The following NDUFAF2 variants were observed in gnomAD, a reference collection of about 807,000 sequenced individuals.
NDUFAF2 encodes the protein NADH:ubiquinone oxidoreductase complex assembly factor 2.
NDUFAF2 carries 13 observed loss-of-function variants against 22.8 expected under a neutral mutation model. The observed-to-expected ratio is 0.57, with a 90% CI of 0.37 to 0.91. The LOEUF (loss-of-function observed/expected upper bound fraction) is 0.91, where lower values mean the gene tolerates loss of function less well. Ranked by LOEUF, NDUFAF2 falls within the 40% of genes least tolerant of loss-of-function variation. NDUFAF2 has a pLI of 0.01. For missense variants in NDUFAF2, 162 were observed against 195.2 expected, an observed-to-expected ratio of 0.83 and a Z score of 1.01; for synonymous variants, 53 against 64.2, an observed-to-expected ratio of 0.83 and a Z score of 0.84.
At chr5:61,067,569 TTTGGG>T (rs550412524) in intron 1 of NDUFAF2, among the ~76,000 whole-genome samples, 16 of 152,178 alleles carry the variant, frequency 1.1e-4, no homozygotes, top group Non-Finnish European at 2.2e-4. Flanking sequence ...TTGATGGATA[TTTGGG>T]TTGGTTCCAA....
chr5:61,106,680 A>AC lies in NDUFAF2; in HGVS notation c.258+7655dup, dbSNP rs202011706. 3.4e-3 allele frequency among the ~76,000 whole-genome samples: 500 copies of AC among 146,952 alleles called. 11 individuals are homozygous for AC. The highest frequency in any genetic ancestry group is 0.022 in the East Asian group (110 of 4,994). On this transcript the variant is annotated intron_variant, in intron 3 of 3. Coordinates refer to ENST00000296597, the MANE Select transcript of NDUFAF2 (RefSeq NM_174889.5). The stretch of plus-strand genomic sequence containing the variant: ...ATTTTTGTGCCCATTAACCATTCCC[A>AC]CCCCCCCTAACACCCAGACTACCCT...
At chr5:61,066,342 A>T (rs559644924) in intron 1 of NDUFAF2, among the ~76,000 whole-genome samples, 39 of 152,190 alleles carry the variant, frequency 2.6e-4, no homozygotes, top group African/African-American at 8.9e-4. Context: ...TTCTATACAG[A>T]TATAGGAAAA....
intron 1 of NDUFAF2, among the ~76,000 whole-genome samples, chr5:61,038,608 TTC>T (rs1271028674): frequency 6.6e-6 from 1 of 152,244 alleles, no homozygotes; most frequent in Non-Finnish European, 1.5e-5. Flanking sequence ...TATAGTATTT[TTC>T]TCTCTTACCT....
chr5:61,056,919 A>AAAAAATATATATAT (rs1752105032), intron 1 of NDUFAF2, among the ~76,000 whole-genome samples: 2 of 28,810 alleles, frequency 6.9e-5, no homozygotes, highest in Non-Finnish European at 1.2e-4. Context: ...AAAAAAAAAA[A>AAAAAATATATATAT]ATATATATAT....
chr5:61,007,824 G>A (rs1453048626), intron 1 of NDUFAF2, among the ~76,000 whole-genome samples: 4 of 152,002 alleles, frequency 2.6e-5, no homozygotes, highest in Admixed American at 1.3e-4. Context: ...AGGACTATAA[G>A]TCATGCTGCT....
At position 61,027,043 on chromosome 5, in the gene NDUFAF2, T is replaced by C. The variant is rs1751659139; in HGVS notation, c.128-46082T>C. ...CAACTATATGTAAAAATATTATCCT[T>C]ATTAAGAAAAATTATATTTAATTTA... On this transcript the variant is annotated intron_variant, in intron 1 of 3. Coordinates refer to ENST00000296597, the MANE Select transcript of NDUFAF2 (RefSeq NM_174889.5). Among the ~76,000 whole-genome samples the C allele has an allele frequency of 2.6e-5, 4 of 151,618 alleles. No homozygotes were observed. In the South Asian group the frequency reaches 8.3e-4, roughly 31 times the overall value.
chr5:61,040,260 A>ACACACG lies in NDUFAF2; in HGVS notation c.128-32860_128-32859insGCACAC, dbSNP rs1264942231. The stretch of plus-strand genomic sequence containing the variant: ...TATAGGAAGAGGAAAGGACACACAC[A>ACACACG]CACACACACACACACACACACACAC... On this transcript the variant is annotated intron_variant, in intron 1 of 3. Transcript: ENST00000296597. Among the ~76,000 whole-genome samples, 11 of 111,036 alleles carry ACACACG rather than the reference A, an allele frequency of 9.9e-5. No homozygotes were observed. The East Asian group carries it at 2.5e-3, about 25-fold the overall frequency. 72.8% of individuals were successfully genotyped at this position (111,036 alleles called of 152,430 possible).
chr5:60,947,873 T>C (rs1750484460), intron 1 of NDUFAF2, among the ~76,000 whole-genome samples: 1 of 152,098 alleles, frequency 6.6e-6, no homozygotes, highest in Non-Finnish European at 1.5e-5. Flanking sequence ...AGTTTCAAAT[T>C]AACAGTCATG....
chr5:61,020,395 G>A (rs1751562749), intron 1 of NDUFAF2, among the ~76,000 whole-genome samples: 1 of 151,908 alleles, frequency 6.6e-6, no homozygotes. Context: ...TTATAAACAG[G>A]GCTGTATATT....
intron 3 of NDUFAF2, among the ~76,000 whole-genome samples, chr5:61,129,852 C>T (rs1171462642): frequency 6.6e-6 from 1 of 151,922 alleles, no homozygotes; most frequent in African/African-American, 2.4e-5. Context: ...TATTATCATA[C>T]ACTATGCAAA....
chr5:60,949,705 C>T (rs542859271), intron 1 of NDUFAF2, among the ~76,000 whole-genome samples: 19 of 152,114 alleles, frequency 1.2e-4, no homozygotes, highest in Non-Finnish European at 2.6e-4. Flanking sequence ...GATTTAATGT[C>T]GAAATCAGTT....
At chr5:61,059,362 T>A (rs1580117104) in intron 1 of NDUFAF2, among the ~76,000 whole-genome samples, 1 of 152,018 alleles carries the variant, frequency 6.6e-6, no homozygotes, top group East Asian at 1.9e-4. Flanking sequence ...AATAGGTTAA[T>A]CTTTTTTCTT....
chr5:61,149,150 T>C (rs1040982085), intron 3 of NDUFAF2, among the ~76,000 whole-genome samples: 5 of 152,130 alleles, frequency 3.3e-5, no homozygotes, highest in East Asian at 1.9e-4. Flanking sequence ...TGTGTATTTT[T>C]AGTAGAGACA....
chr5:61,103,796 G>T (rs1406917300), intron 3 of NDUFAF2, among the ~76,000 whole-genome samples: 1 of 151,998 alleles, frequency 6.6e-6, no homozygotes, highest in Non-Finnish European at 1.5e-5. Context: ...AGTGAAGGCG[G>T]TCCCTTACTT....
intron 2 of NDUFAF2, 90 bp downstream of exon 2, chr5:61,073,304 TTCTC>T (rs1345209629): frequency 1.0e-6 from 1 of 981,532 alleles, no homozygotes; most frequent in Non-Finnish European, 1.6e-6. Context: ...TATATACTGT[TTCTC>T]TTTGCAAAAA....
chr5:61,145,362 C>T (rs184303612), intron 3 of NDUFAF2, among the ~76,000 whole-genome samples: 1 of 152,106 alleles, frequency 6.6e-6, no homozygotes, highest in Non-Finnish European at 1.5e-5. Flanking sequence ...TAGATCTTTT[C>T]GCTTTTTCTC....
intron 1 of NDUFAF2, among the ~76,000 whole-genome samples, chr5:61,049,605 T>C (rs1751997089): frequency 1.3e-5 from 2 of 152,128 alleles, no homozygotes; most frequent in South Asian, 2.1e-4. Context: ...TCTTCATTCT[T>C]CTTCTCCCCC....
intron 1 of NDUFAF2, among the ~76,000 whole-genome samples, chr5:61,029,236 A>G (rs909183838): frequency 6.6e-6 from 1 of 152,110 alleles, no homozygotes; most frequent in Non-Finnish European, 1.5e-5. Context: ...ATATATGGAA[A>G]TGTCTCCACC....
rs1024598740 is a variant in NDUFAF2 at position 60,974,093 on chromosome 5, T to A, written c.127+28711T>A. Among the ~76,000 whole-genome samples, 5 of 152,174 alleles carry A rather than the reference T, an allele frequency of 3.3e-5. 1 individual carries two copies. The highest frequency in any genetic ancestry group is 3.3e-4 in the Admixed American group (5 of 15,274). ...GACATAAGCCAAAGGAGATTAACAT[T>A]TGAGTCAGTGGACTGGGAGGGACAG... On this transcript the variant is annotated intron_variant, in intron 1 of 3. Coordinates refer to ENST00000296597, the MANE Select transcript of NDUFAF2 (RefSeq NM_174889.5).
Sources: gnomAD v4.1 joint callset for allele counts (sites outside exome capture counted in the v4.1 genomes callset) on GRCh38, gnomAD v4.1.1 for gene constraint, MANE v1.5 for transcripts, NCBI Gene and HGNC (gene_info 2026-07-23, HGNC 2026-07-21) for gene names.